The following PISD variants were observed in gnomAD, a reference collection of about 807,000 sequenced individuals.
PISD encodes the protein phosphatidylserine decarboxylase proenzyme, mitochondrial.
Under a neutral mutation model 43.5 loss-of-function variants are expected in PISD, and 31 were observed. That is an observed-to-expected ratio of 0.71 (90% CI 0.54 to 0.96). PISD has a LOEUF of 0.96. PISD is among the 40% of genes least tolerant of loss of function. The pLI, the probability that PISD is intolerant of heterozygous loss-of-function variation, is 0.00. For missense variants in PISD, 523 were observed against 548.4 expected (o/e 0.95, Z 0.46); for synonymous variants, 259 against 228.7 (o/e 1.13, Z -1.20).
At chr22:31,636,100 A>G (rs923692318) in intron 3 of PISD, among the ~76,000 whole-genome samples, 3 of 152,222 alleles carry the variant, frequency 2.0e-5, no homozygotes, top group Non-Finnish European at 2.9e-5. Context: ...ACTACCAGGT[A>G]CACCGCGGCG....
At chr22:31,626,326 C>T (rs1255903567) in intron 3 of PISD, 5 of 156,582 alleles carry the variant, frequency 3.2e-5, no homozygotes, top group Non-Finnish European at 5.6e-5. Flanking sequence ...GAACTTGAGC[C>T]CCGTGCTCCA....
At position 31,620,555 on chromosome 22, in the gene PISD, G is replaced by C; in HGVS notation, c.1003C>G (p.Arg335Gly). 6.2e-7 allele frequency: 1 copy of C among 1,614,092 alleles called. No homozygotes were observed. Among genetic ancestry groups the C allele is most frequent in the Non-Finnish European group, 8.5e-7 (1 of 1,179,974 alleles). The part of the protein sequence containing the change: ...NVGSIRIYFD[R>G]DLHTNSPRHS... ...GGCAGGGCCTAGATCCTGCTTACCCGGTCAAAGTAGATGCGAATGGAGCCC... is the reference window on the plus strand; with the variant it reads ...GGCAGGGCCTAGATCCTGCTTACCCCGTCAAAGTAGATGCGAATGGAGCCC... The change falls in exon 7 of 8, where the codon CGG becomes GGG. Residue 335 changes from arginine (R) to glycine (G), a missense_variant and splice_region_variant. By Grantham distance (125) the Arg-to-Gly change is moderately radical. Coordinates refer to ENST00000439502, the MANE Select transcript of PISD (RefSeq NM_001326411.2).
chr22:31,627,902 A>T (rs1315919515), intron 3 of PISD: 2 of 422,438 alleles, frequency 4.7e-6, no homozygotes, highest in Non-Finnish European at 6.3e-6. Context: ...CTGAGGAATC[A>T]AGGCACATGA....
Position 31,648,247 on chromosome 22 carries a change from G to C in PISD, c.175C>G (p.Arg59Gly), listed in dbSNP as rs1285003785. ...AGGGGACGCAGCAGGAACATGGTTCGGGCAGGGGCAGTGTGGATTTTTCTG... is the reference window on the plus strand; with the variant it reads ...AGGGGACGCAGCAGGAACATGGTTCCGGCAGGGGCAGTGTGGATTTTTCTG... ...DARKIHTAPA[R>G]TMFLLRPLPI... Residue 59 changes from arginine (R) to glycine (G), a missense_variant, in exon 3 of 8, where the codon CGA (arginine) becomes GGA (glycine). Coordinates refer to ENST00000439502, the MANE Select transcript of PISD (RefSeq NM_001326411.2). 1.2e-6 allele frequency: 2 copies of C among 1,610,300 alleles called. No homozygotes were observed. Among genetic ancestry groups the C allele is most frequent in the East Asian group, 2.2e-5 (1 of 44,830 alleles).
At chr22:31,639,548 A>T (rs1160514348) in intron 3 of PISD, among the ~76,000 whole-genome samples, 1 of 152,174 alleles carries the variant, frequency 6.6e-6, no homozygotes, top group Non-Finnish European at 1.5e-5. Context: ...ATTTTCAATT[A>T]GATGTTTTGT....
At chr22:31,659,896 C>T (rs2074274239) in intron 1 of PISD, among the ~76,000 whole-genome samples, 1 of 151,944 alleles carries the variant, frequency 6.6e-6, no homozygotes, top group Non-Finnish European at 1.5e-5. Context: ...TTTTTTTAAT[C>T]AGCCAGCCTC....
intron 3 of PISD, among the ~76,000 whole-genome samples, chr22:31,645,954 T>C (rs527237246): frequency 2.0e-5 from 3 of 151,704 alleles, no homozygotes; most frequent in Admixed American, 2.0e-4. Context: ...TCTCAGTATA[T>C]ATATATATAC....
chr22:31,623,975 A>C, intron 3 of PISD: 2 of 784,072 alleles, frequency 2.6e-6, no homozygotes, highest in Non-Finnish European at 4.0e-6. Context: ...CTGCCTCTCC[A>C]TGGGGGTGAT....
intron 3 of PISD, among the ~76,000 whole-genome samples, chr22:31,624,801 G>A (rs946855271): frequency 6.8e-6 from 1 of 147,066 alleles, no homozygotes; most frequent in African/African-American, 2.5e-5. Context: ...TCTGTGATCC[G>A]GCCTCTCCCC....
chr22:31,645,538 C>CT (rs1198668208), intron 3 of PISD, among the ~76,000 whole-genome samples: 2,175 of 138,896 alleles, frequency 0.016, 47 homozygotes, highest in African/African-American at 0.045. Flanking sequence ...AACCCTGTCT[C>CT]TTTTTTTTTT....
intron 3 of PISD, chr22:31,625,929 T>A: frequency 6.6e-7 from 1 of 1,515,572 alleles, no homozygotes; most frequent in Non-Finnish European, 8.9e-7. Flanking sequence ...CTCCAGGGCC[T>A]CTGCCTCTGC....
At chr22:31,628,956 C>T (rs1164197301) in intron 3 of PISD, 1 of 985,402 alleles carries the variant, frequency 1.0e-6, no homozygotes, top group Non-Finnish European at 1.2e-6. Flanking sequence ...AAAACAGGAA[C>T]CCAAACTTGC....
At position 31,619,249 on chromosome 22, in the gene PISD, G is replaced by C. The variant is rs111353864; in HGVS notation, c.*363C>G. 4 of 349,678 alleles carry C rather than the reference G, an allele frequency of 1.1e-5. No individual in the cohort carries two copies. The highest frequency in any genetic ancestry group is 4.1e-5 in the Admixed American group (1 of 24,670). 21.7% of individuals were successfully genotyped at this position (349,678 alleles called of 1,614,324 possible). ...CCAACAGAAAACAGCTCAGGTGATGGGGGGAGGAGCAGCAAGAAAAAACGA... is the reference window on the plus strand; with the variant it reads ...CCAACAGAAAACAGCTCAGGTGATGCGGGGAGGAGCAGCAAGAAAAAACGA... On this transcript the variant is annotated 3_prime_UTR_variant, in exon 8 of 8. Coordinates refer to ENST00000439502, the MANE Select transcript of PISD (RefSeq NM_001326411.2).
At chr22:31,654,609 G>A (rs1163843741) in intron 1 of PISD, among the ~76,000 whole-genome samples, 1 of 152,084 alleles carries the variant, frequency 6.6e-6, no homozygotes, top group East Asian at 1.9e-4. Flanking sequence ...TCCTCTTCTG[G>A]ACACCTGTTA....
chr22:31,654,014 T>C (rs1394181397), intron 1 of PISD, among the ~76,000 whole-genome samples: 1 of 152,182 alleles, frequency 6.6e-6, no homozygotes, highest in African/African-American at 2.4e-5. Context: ...CTCTCCTTCA[T>C]TCCAAGCCTA....
intron 1 of PISD, among the ~76,000 whole-genome samples, chr22:31,659,804 G>A (rs1601466610): frequency 6.6e-6 from 1 of 151,854 alleles, no homozygotes; most frequent in African/African-American, 2.4e-5. Context: ...GGCTGGTCTC[G>A]ATCTCCTGAC....
Position 31,647,959 on chromosome 22 carries a change from T to C in PISD, c.321+142A>G, listed in dbSNP as rs115080618. 1,032 of 702,382 alleles carry C rather than the reference T, an allele frequency of 1.5e-3. 6 individuals carry two copies. In the African/African-American group the frequency reaches 0.017, roughly 11 times the overall value. The allele number at this position is 702,382 out of a possible 1,614,324, so 43.5% of individuals were successfully genotyped here. The stretch of plus-strand genomic sequence containing the variant: ...CTTGACACCAAAGTTATAACTCCTG[T>C]ATCTGGCCAAAACCTACTGGAGACA... On this transcript the variant is annotated intron_variant, in intron 3 of 7. Coordinates refer to ENST00000439502, the MANE Select transcript of PISD (RefSeq NM_001326411.2).
chr22:31,623,495 C>T (rs753960642), intron 3 of PISD, among the ~76,000 whole-genome samples: 1 of 152,192 alleles, frequency 6.6e-6, no homozygotes, highest in East Asian at 1.9e-4. Context: ...TCACCCGCGG[C>T]CCAGGTAGTG....
At chr22:31,632,518 G>A (rs550478568) in intron 3 of PISD, among the ~76,000 whole-genome samples, 2 of 152,224 alleles carry the variant, frequency 1.3e-5, no homozygotes, top group African/African-American at 4.8e-5. Context: ...GAGTGTGCAC[G>A]TTCTCCCCAT....
Sources: allele counts gnomAD v4.1 joint callset (sites outside exome capture counted in the v4.1 genomes callset), GRCh38; gene constraint gnomAD v4.1.1; transcripts MANE v1.5; gene names NCBI Gene and HGNC (gene_info 2026-07-23, HGNC 2026-07-21).